KRTAP1-4: variants seen among roughly 807,000 people sequenced by gnomAD.
The protein encoded by KRTAP1-4 is keratin associated protein 1-4, also known as keratin-associated protein 1-4.
Under a neutral mutation model 8.6 loss-of-function variants are expected in KRTAP1-4, and 5 were observed. The ratio of observed to expected loss-of-function variants is 0.58; its 90% CI spans 0.30 to 1.23. KRTAP1-4 has a LOEUF of 1.23. Among genes scored for constraint, KRTAP1-4 ranks in the 50% most tolerant of loss-of-function variants. KRTAP1-4 has a pLI of 0.07. For synonymous variants in KRTAP1-4, 50 were observed against 58.9 expected (o/e 0.85, Z 0.69); for missense variants, 157 against 160.7 (o/e 0.98, Z 0.12).
chr17:41,029,923 G>A lies in KRTAP1-4; in HGVS notation c.156C>T (p.Ser52=), dbSNP rs188606691. The A allele has an allele frequency of 2.4e-5, 39 of 1,607,012 alleles. No individual in the cohort carries two copies. Among genetic ancestry groups the A allele is most frequent in the African/African-American group, 1.2e-4 (9 of 74,806 alleles). The change falls in exon 1 of 1, where the codon AGC becomes AGT. Residue 52 remains serine (S), a synonymous_variant. Transcript: ENST00000377747. ...TGATACGGGTGCTCACAGATCCACCGCTGCCCTCCTGGCCATAGCCAATGC... is the reference window on the plus strand; with the variant it reads ...TGATACGGGTGCTCACAGATCCACCACTGCCCTCCTGGCCATAGCCAATGC... ...GGGIGYGQEG[S]GGSVSTRIRW...
rs780764614 is a variant in KRTAP1-4 at position 41,029,974 on chromosome 17, G to A, written c.105C>T (p.Cys35=). The A allele has an allele frequency of 1.3e-5, 21 of 1,611,718 alleles. No homozygotes were observed. The highest frequency in any genetic ancestry group is 1.8e-4 in the Middle Eastern group (1 of 5,548). The change falls in exon 1 of 1, where the codon TGC becomes TGT. Residue 35 remains cysteine, a synonymous_variant. Transcript: ENST00000377747. ...CQPSCCQTSS[C]GTGCGIGGGI... is the part of the protein sequence containing the mutation. ...CACCACCAATGCCACAGCCGGTTCCGCAGGAGCTGGTCTGGCAGCAGCTTG... is the reference window on the plus strand; with the variant it reads ...CACCACCAATGCCACAGCCGGTTCCACAGGAGCTGGTCTGGCAGCAGCTTG...
rs1334401219 is a variant in KRTAP1-4 at position 41,029,826 on chromosome 17, G to C, written c.253C>G (p.Pro85Ala). The change falls in exon 1 of 1, where the codon CCA becomes GCA. Residue 85 changes from proline to alanine, a missense_variant. Physicochemically the swap from Pro to Ala is conservative, Grantham distance 27 (BLOSUM62 -1). Coordinates refer to ENST00000377747, the MANE Select transcript of KRTAP1-4 (RefSeq NM_001257305.2). ...PPCYLVSCTP[P>A]SCCQLHHAEA... is the part of the protein sequence containing the mutation. ...GCGTGGTGCAGCTGGCAGCAGGATG[G>C]GGGTGTGCAGCTTACCAGGTAGCAG... 11 of 1,611,222 alleles carry C rather than the reference G, an allele frequency of 6.8e-6. No individual in the cohort carries two copies. The highest frequency in any genetic ancestry group is 9.3e-6 in the Non-Finnish European group (11 of 1,179,252).
Position 41,030,151 on chromosome 17 carries a change from C to T in KRTAP1-4, c.-73G>A. ...TTGGGCTGTACCTTCTATATCTGTCCTTTGATATGTTCCCTAGAGCTGCAT... is the reference window on the plus strand; with the variant it reads ...TTGGGCTGTACCTTCTATATCTGTCTTTTGATATGTTCCCTAGAGCTGCAT... On this transcript the variant is annotated 5_prime_UTR_variant, in exon 1 of 1. Transcript: ENST00000377747. The T allele has an allele frequency of 6.5e-6, 10 of 1,534,876 alleles. No homozygotes were observed. The highest frequency in any genetic ancestry group is 8.8e-6 in the Non-Finnish European group (10 of 1,136,032).
At position 41,030,047 on chromosome 17, in the gene KRTAP1-4, C is replaced by A; in HGVS notation, c.32G>T (p.Gly11Val). 1 of 1,604,032 alleles carries A rather than the reference C, an allele frequency of 6.2e-7. No homozygotes were observed. Among genetic ancestry groups the A allele is most frequent in the Non-Finnish European group, 8.5e-7 (1 of 1,175,514 alleles). The change falls in exon 1 of 1, where the codon GGC (glycine) becomes GTC (valine). Residue 11 changes from glycine (G) to valine (V), a missense_variant. Coordinates refer to ENST00000377747, the MANE Select transcript of KRTAP1-4 (RefSeq NM_001257305.2). MASCSTSGTC[G>V]SSCCQPSCCE... ...GCAGCTTGGCTGGCAGCAGCTGGAG[C>A]CACAGGTCCCACTGGTGGAACAGCT...
chr17:41,029,428 G>A lies in KRTAP1-4; in HGVS notation c.*285C>T, dbSNP rs1234557495. 1.3e-5 allele frequency among the ~76,000 whole-genome samples: 2 copies of A among 152,214 alleles called. No homozygotes were observed. Among genetic ancestry groups the A allele is most frequent in the Non-Finnish European group, 2.9e-5 (2 of 68,032 alleles). ...AAAAACCAGGTCTGAAGATGCATGA[G>A]CATCAAGAGAGAGTTGGGGGAGCAG... On this transcript the variant is annotated 3_prime_UTR_variant, in exon 1 of 1. Transcript: ENST00000377747.
rs2012422212 is a variant in KRTAP1-4 at position 41,030,068 on chromosome 17, C to G, written c.11G>C (p.Cys4Ser). 9 of 1,593,848 alleles carry G rather than the reference C, an allele frequency of 5.6e-6. No homozygotes were observed. The highest frequency in any genetic ancestry group is 7.7e-6 in the Non-Finnish European group (9 of 1,169,814). Residue 4 changes from cysteine to serine, a missense_variant, in exon 1 of 1, where the codon TGT becomes TCT. Transcript: ENST00000377747. MAS[C>S]STSGTCGSSC... The stretch of plus-strand genomic sequence containing the variant: ...GGAGCCACAGGTCCCACTGGTGGAA[C>G]AGCTGGCCATGGTGTCAGGAGTTGG...
In KRTAP1-4 at chr17:41,030,100, A is replaced by G; in HGVS notation, c.-22T>C. ...CCATGGTGTCAGGAGTTGGGTTGAG[A>G]GCTGTGTTAAGAGAGGTTTCTGAGT... On this transcript the variant is annotated 5_prime_UTR_variant, in exon 1 of 1. Coordinates refer to ENST00000377747, the MANE Select transcript of KRTAP1-4 (RefSeq NM_001257305.2). 6.4e-7 allele frequency: 1 copy of G among 1,564,904 alleles called. No individual in the cohort carries two copies. Among genetic ancestry groups the G allele is most frequent in the Admixed American group, 1.9e-5 (1 of 52,188 alleles).
Position 41,029,721 on chromosome 17 carries a change from T to C in KRTAP1-4, c.358A>G (p.Thr120Ala), listed in dbSNP as rs2012406739. The C allele has an allele frequency of 1.3e-6, 2 of 1,543,150 alleles. No homozygotes were observed. The highest frequency in any genetic ancestry group is 2.7e-5 in the African/African-American group (2 of 73,404). ...PACCCHCCEP[T>A]C ...GATCAGCAACCTGGCTTTTAGCAGG[T>C]GGGCTCACAGCAGTGGCAGCAGCAG... The change falls in exon 1 of 1, where the codon ACC becomes GCC. Residue 120 changes from threonine to alanine, a missense_variant. By Grantham distance (58) the Thr-to-Ala change is moderately conservative. Transcript: ENST00000377747.
chr17:41,029,806 G>C lies in KRTAP1-4; in HGVS notation c.273C>G (p.His91Gln), dbSNP rs552658227. ...GGCGGCAGCAGGAGGCCTCGGCGTG[G>C]TGCAGCTGGCAGCAGGATGGGGGTG... is the stretch of plus-strand genomic sequence containing the variant. The part of the protein sequence containing the change: ...SCTPPSCCQL[H>Q]HAEASCCRPS... Residue 91 changes from histidine (H) to glutamine (Q), a missense_variant, in exon 1 of 1, where the codon CAC becomes CAG. By Grantham distance (24) the His-to-Gln change is conservative (BLOSUM62 0). Coordinates refer to ENST00000377747, the MANE Select transcript of KRTAP1-4 (RefSeq NM_001257305.2). The C allele has an allele frequency of 6.2e-6, 10 of 1,610,856 alleles. No individual in the cohort carries two copies. Among genetic ancestry groups the C allele is most frequent in the Non-Finnish European group, 8.5e-6 (10 of 1,178,700 alleles).
Position 41,029,780 on chromosome 17 carries a change from G to T in KRTAP1-4, c.299C>A (p.Pro100Gln). Residue 100 changes from proline to glutamine, a missense_variant, in exon 1 of 1, where the codon CCG (proline) becomes CAG (glutamine). Transcript: ENST00000377747. The part of the protein sequence containing the change: ...LHHAEASCCR[P>Q]SYCGQSCCRP... ...GCAGCAGGACTGTCCACAGTAGGAC[G>T]GGCGGCAGCAGGAGGCCTCGGCGTG... 6.2e-7 allele frequency: 1 copy of T among 1,601,368 alleles called. No individual in the cohort carries two copies. Among genetic ancestry groups the T allele is most frequent in the Non-Finnish European group, 8.5e-7 (1 of 1,173,876 alleles).
chr17:41,029,893 C>T lies in KRTAP1-4; in HGVS notation c.186G>A (p.Trp62Ter), dbSNP rs762725828. 5.0e-6 allele frequency: 8 copies of T among 1,606,388 alleles called. No individual in the cohort carries two copies. Among genetic ancestry groups the T allele is most frequent in the Non-Finnish European group, 6.8e-6 (8 of 1,177,410 alleles). Residue 62 changes from tryptophan to a stop codon, truncating the protein, a stop_gained, in exon 1 of 1, where the codon TGG (tryptophan) becomes TGA (stop). Transcript: ENST00000377747. LOFTEE classifies it high-confidence loss of function. ...CCTCCACGTGGCAATCTGGGTGGCACCACCTGATACGGGTGCTCACAGATC... is the reference window on the plus strand; with the variant it reads ...CCTCCACGTGGCAATCTGGGTGGCATCACCTGATACGGGTGCTCACAGATC... Reference protein sequence around the residue: ...SGGSVSTRIRWCHPDCHVEGT... With the variant: ...SGGSVSTRIR
At position 41,029,896 on chromosome 17, in the gene KRTAP1-4, C is replaced by A; in HGVS notation, c.183G>T (p.Arg61Ser). 1.2e-6 allele frequency: 2 copies of A among 1,606,612 alleles called. No individual in the cohort carries two copies. Among genetic ancestry groups the A allele is most frequent in the Non-Finnish European group, 1.7e-6 (2 of 1,177,548 alleles). The change falls in exon 1 of 1, where the codon AGG (arginine) becomes AGT (serine). Residue 61 changes from arginine to serine, a missense_variant. Coordinates refer to ENST00000377747, the MANE Select transcript of KRTAP1-4 (RefSeq NM_001257305.2). ...GSGGSVSTRI[R>S]WCHPDCHVEG... is the part of the protein sequence containing the mutation. Reference sequence around the variant, plus strand: ...CCACGTGGCAATCTGGGTGGCACCACCTGATACGGGTGCTCACAGATCCAC... The same window carrying A: ...CCACGTGGCAATCTGGGTGGCACCAACTGATACGGGTGCTCACAGATCCAC...
rs778408990 is a variant in KRTAP1-4 at position 41,029,853 on chromosome 17, G to A, written c.226C>T (p.Pro76Ser). The A allele has an allele frequency of 2.5e-6, 4 of 1,609,606 alleles. No individual in the cohort carries two copies. The highest frequency in any genetic ancestry group is 2.2e-5 in the South Asian group (2 of 90,458). Residue 76 changes from proline (P) to serine (S), a missense_variant, in exon 1 of 1, where the codon CCC (proline) becomes TCC (serine). Coordinates refer to ENST00000377747, the MANE Select transcript of KRTAP1-4 (RefSeq NM_001257305.2). ...GGTGTGCAGCTTACCAGGTAGCAGGGGGGCAGGCAGGTGCCCTCCACGTGG... is the reference window on the plus strand; with the variant it reads ...GGTGTGCAGCTTACCAGGTAGCAGGAGGGCAGGCAGGTGCCCTCCACGTGG... ...DCHVEGTCLP[P>S]CYLVSCTPPS...
Position 41,029,944 on chromosome 17 carries a change from A to G in KRTAP1-4, c.135T>C (p.Ile45=), listed in dbSNP as rs150267202. Residue 45 remains isoleucine, a synonymous_variant, in exon 1 of 1, where the codon ATT becomes ATC. Transcript: ENST00000377747. ...CACCGCTGCCCTCCTGGCCATAGCC[A>G]ATGCCACCACCAATGCCACAGCCGG... ...CGTGCGIGGG[I]GYGQEGSGGS... 49,650 of 1,609,022 alleles carry G rather than the reference A, an allele frequency of 0.031. 2,459 individuals are homozygous for G. The highest frequency in any genetic ancestry group is 0.17 in the East Asian group (7,630 of 44,612).
rs1343718443 is a variant in KRTAP1-4, at chr17:41,029,450, G to C, written c.*263C>G. Among the ~76,000 whole-genome samples, 2 of 152,224 alleles carry C rather than the reference G, an allele frequency of 1.3e-5. No homozygotes were observed. The highest frequency in any genetic ancestry group is 2.9e-5 in the Non-Finnish European group (2 of 68,040). ...TGAGCATCAAGAGAGAGTTGGGGGAGCAGAGATGTCACTGAAATGATGAAC... is the reference window on the plus strand; with the variant it reads ...TGAGCATCAAGAGAGAGTTGGGGGACCAGAGATGTCACTGAAATGATGAAC... On this transcript the variant is annotated 3_prime_UTR_variant, in exon 1 of 1. Coordinates refer to ENST00000377747, the MANE Select transcript of KRTAP1-4 (RefSeq NM_001257305.2).
In KRTAP1-4 at chr17:41,029,868, C is replaced by T; in HGVS notation, c.211G>A (p.Gly71Ser). The part of the protein sequence containing the change: ...RWCHPDCHVE[G>S]TCLPPCYLVS... ...AGGTAGCAGGGGGGCAGGCAGGTGC[C>T]CTCCACGTGGCAATCTGGGTGGCAC... is the stretch of plus-strand genomic sequence containing the variant. Residue 71 changes from glycine to serine, a missense_variant, in exon 1 of 1, where the codon GGC becomes AGC. Physicochemically the swap from Gly to Ser is moderately conservative, Grantham distance 56. Transcript: ENST00000377747. 6.2e-7 allele frequency: 1 copy of T among 1,608,052 alleles called. No individual in the cohort carries two copies. The highest frequency in any genetic ancestry group is 8.5e-7 in the Non-Finnish European group (1 of 1,177,840).
chr17:41,029,904 G>T lies in KRTAP1-4; in HGVS notation c.175C>A (p.Arg59Ser), dbSNP rs547591825. 2.5e-5 allele frequency: 40 copies of T among 1,606,486 alleles called. 1 individual carries two copies. The South Asian group carries it at 4.3e-4, about 17-fold the overall frequency. ...QEGSGGSVST[R>S]IRWCHPDCHV... ...CAATCTGGGTGGCACCACCTGATAC[G>T]GGTGCTCACAGATCCACCGCTGCCC... The change falls in exon 1 of 1, where the codon CGT (arginine) becomes AGT (serine). Residue 59 changes from arginine to serine, a missense_variant. Transcript: ENST00000377747.
Position 41,030,042 on chromosome 17 carries a change from T to G in KRTAP1-4, c.37A>C (p.Ser13Arg). Residue 13 changes from serine to arginine, a missense_variant, in exon 1 of 1, where the codon AGC becomes CGC. Physicochemically the swap from Ser to Arg is moderately radical, Grantham distance 110. Transcript: ENST00000377747. ...SCSTSGTCGS[S>R]CCQPSCCETS... ...TCACAGCAGCTTGGCTGGCAGCAGCTGGAGCCACAGGTCCCACTGGTGGAA... is the reference window on the plus strand; with the variant it reads ...TCACAGCAGCTTGGCTGGCAGCAGCGGGAGCCACAGGTCCCACTGGTGGAA... The G allele has an allele frequency of 6.2e-7, 1 of 1,606,262 alleles. No individual in the cohort carries two copies. The highest frequency in any genetic ancestry group is 8.5e-7 in the Non-Finnish European group (1 of 1,176,808).
At position 41,029,773 on chromosome 17, in the gene KRTAP1-4, G is replaced by A. The variant is rs2012408279; in HGVS notation, c.306C>T (p.Tyr102=). The A allele has an allele frequency of 6.3e-7, 1 of 1,597,608 alleles. No homozygotes were observed. The highest frequency in any genetic ancestry group is 1.3e-5 in the African/African-American group (1 of 74,838). Residue 102 remains tyrosine, a synonymous_variant, in exon 1 of 1, where the codon TAC becomes TAT. Transcript: ENST00000377747. ...HAEASCCRPS[Y]CGQSCCRPAC... ...CTGGGCGGCAGCAGGACTGTCCACAGTAGGACGGGCGGCAGCAGGAGGCCT... is the reference window on the plus strand; with the variant it reads ...CTGGGCGGCAGCAGGACTGTCCACAATAGGACGGGCGGCAGCAGGAGGCCT...
Sources: gnomAD v4.1 joint callset for allele counts (sites outside exome capture counted in the v4.1 genomes callset) on GRCh38, gnomAD v4.1.1 for gene constraint, MANE v1.5 for transcripts, NCBI Gene and HGNC (gene_info 2026-07-23, HGNC 2026-07-21) for gene names.